Variants in TSPEAR observed in about 807,000 individuals in gnomAD.
The protein encoded by TSPEAR is thrombospondin type laminin G domain and EAR repeats.
A neutral mutation model predicts 71.6 loss-of-function variants in TSPEAR; 69 were observed. The observed-to-expected ratio is 0.96, with a 90% CI of 0.79 to 1.18. TSPEAR has a LOEUF of 1.18. TSPEAR is among the 50% of genes most tolerant of loss of function. TSPEAR has a pLI of 0.00. For missense variants in TSPEAR, 971 were observed against 894.9 expected (o/e 1.09, Z -1.09); for synonymous variants, 402 against 387.2 (o/e 1.04, Z -0.45).
chr21:44,564,103 A>T (rs1331453612), intron 2 of TSPEAR, among the ~76,000 whole-genome samples: 1 of 152,218 alleles, frequency 6.6e-6, no homozygotes, highest in Non-Finnish European at 1.5e-5. Flanking sequence ...AAGAATGCAG[A>T]GTGTGCCTTG....
chr21:44,544,879 A>G (rs2146016237), intron 2 of TSPEAR, among the ~76,000 whole-genome samples: 1 of 152,340 alleles, frequency 6.6e-6, no homozygotes, highest in East Asian at 1.9e-4. Context: ...GAATCCATCA[A>G]GAAGATATAC....
At chr21:44,708,275 G>A (rs943990522) in intron 1 of TSPEAR, among the ~76,000 whole-genome samples, 1 of 152,080 alleles carries the variant, frequency 6.6e-6, no homozygotes, top group Admixed American at 6.5e-5. Flanking sequence ...TCAGGAATGG[G>A]CACACTTCCT....
chr21:44,672,918 A>G (rs1555946274), intron 1 of TSPEAR, among the ~76,000 whole-genome samples: 1 of 152,216 alleles, frequency 6.6e-6, no homozygotes, highest in East Asian at 1.9e-4. Flanking sequence ...TGCATTAATT[A>G]TAAGTTTCCT....
intron 1 of TSPEAR, among the ~76,000 whole-genome samples, chr21:44,611,727 G>A (rs1376469610): frequency 6.6e-6 from 1 of 152,122 alleles, no homozygotes. Context: ...TACCCCAATA[G>A]CAAAGACATA....
chr21:44,610,111 A>G (rs1215280683), intron 1 of TSPEAR, among the ~76,000 whole-genome samples: 1 of 152,248 alleles, frequency 6.6e-6, no homozygotes, highest in Non-Finnish European at 1.5e-5. Context: ...AGCAGAGCAT[A>G]AAAGTTTGAA....
intron 1 of TSPEAR, among the ~76,000 whole-genome samples, chr21:44,585,225 G>A (rs1979262924): frequency 6.6e-6 from 1 of 152,152 alleles, no homozygotes; most frequent in Admixed American, 6.5e-5. Flanking sequence ...GCAGAGTCTA[G>A]GTGCAGAATT....
intron 1 of TSPEAR, among the ~76,000 whole-genome samples, chr21:44,684,672 C>T (rs1986772899): frequency 6.6e-6 from 1 of 151,926 alleles, no homozygotes; most frequent in African/African-American, 2.4e-5. Flanking sequence ...CCAGGTGGGC[C>T]CTGACCTGCA....
intron 1 of TSPEAR, chr21:44,646,692 A>G (rs1888527): frequency 5.0e-6 from 8 of 1,613,896 alleles, no homozygotes; most frequent in African/African-American, 2.7e-5. Flanking sequence ...GCACGCCGTC[A>G]TGCTGCCAGC....
At chr21:44,704,927 A>C (rs34163868) in intron 1 of TSPEAR, among the ~76,000 whole-genome samples, 1 of 151,616 alleles carries the variant, frequency 6.6e-6, no homozygotes, top group South Asian at 2.1e-4. Flanking sequence ...CCCCGCCCAG[A>C]CGCACTGACC....
In TSPEAR at chr21:44,525,659, G is replaced by A. The variant is rs782352724; in HGVS notation, c.1330C>T (p.Arg444Trp). 19 of 1,613,912 alleles carry A rather than the reference G, an allele frequency of 1.2e-5. 1 individual carries two copies. The highest frequency in any genetic ancestry group is 1.1e-4 in the East Asian group (5 of 44,896). ...GEHFLAVANH[R>W]EGDNHNIDSV... ...AAGGCCACTCCTGCCCTACCTTCCCGGTGGTTGGCCACCGCCAGGAAGTGC... is the reference window on the plus strand; with the variant it reads ...AAGGCCACTCCTGCCCTACCTTCCCAGTGGTTGGCCACCGCCAGGAAGTGC... Residue 444 changes from arginine (R) to tryptophan (W), a missense_variant, in exon 8 of 12, where the codon CGG becomes TGG. Coordinates refer to ENST00000323084, the MANE Select transcript of TSPEAR (RefSeq NM_144991.3).
chr21:44,512,255 C>T (rs1467529719), intron 9 of TSPEAR, among the ~76,000 whole-genome samples: 1 of 145,856 alleles, frequency 6.9e-6, no homozygotes, highest in East Asian at 2.1e-4. Context: ...TTGAGCAGAA[C>T]GAGGAGGTCA....
At chr21:44,706,111 G>A (rs1214567401) in intron 1 of TSPEAR, among the ~76,000 whole-genome samples, 1 of 152,160 alleles carries the variant, frequency 6.6e-6, no homozygotes, top group Non-Finnish European at 1.5e-5. Context: ...GCAGATCGAG[G>A]CCTAGTGCGA....
At chr21:44,679,504 A>G (rs1230091807) in intron 1 of TSPEAR, among the ~76,000 whole-genome samples, 1 of 152,368 alleles carries the variant, frequency 6.6e-6, no homozygotes, top group Middle Eastern at 3.4e-3. Flanking sequence ...TGCAATCTCT[A>G]TCAAAATGCC....
At chr21:44,518,539 C>T (rs1418856754) in intron 9 of TSPEAR, 1 of 428,782 alleles carries the variant, frequency 2.3e-6, no homozygotes, top group African/African-American at 2.0e-5. Context: ...TGCAGGACCT[C>T]CAGGACAGCA....
chr21:44,705,978 G>A (rs1442799511), intron 1 of TSPEAR, among the ~76,000 whole-genome samples: 1 of 152,114 alleles, frequency 6.6e-6, no homozygotes, highest in African/African-American at 2.4e-5. Context: ...TCCCCCGGAC[G>A]CCCAGCTTTA....
At chr21:44,539,653 C>T in intron 2 of TSPEAR, 8 of 1,595,802 alleles carry the variant, frequency 5.0e-6, no homozygotes, top group Non-Finnish European at 6.0e-6. Context: ...GGCAGCTAGA[C>T]TGCTGGCAGC....
chr21:44,557,882 G>T (rs1156751157), intron 2 of TSPEAR: 5 of 783,988 alleles, frequency 6.4e-6, no homozygotes, highest in Non-Finnish European at 1.0e-5. Context: ...GGAGATGAGG[G>T]TGTGGGAGAG....
intron 1 of TSPEAR, chr21:44,682,144 G>C: frequency 6.2e-7 from 1 of 1,610,656 alleles, no homozygotes; most frequent in Non-Finnish European, 8.5e-7. Context: ...GGCTGGATAA[G>C]GTCGAGGCAG....
intron 1 of TSPEAR, chr21:44,702,185 A>T (rs928240160): frequency 1.4e-5 from 21 of 1,516,158 alleles, no homozygotes; most frequent in African/African-American, 2.8e-5. Flanking sequence ...TCCACCCCAC[A>T]GAGCAAAAGC....
Sources: allele counts gnomAD v4.1 joint callset (sites outside exome capture counted in the v4.1 genomes callset), GRCh38; gene constraint gnomAD v4.1.1; transcripts MANE v1.5; gene names NCBI Gene and HGNC (gene_info 2026-07-23, HGNC 2026-07-21).